Variants in CDYL2 observed in about 807,000 individuals in gnomAD.
CDYL2 encodes the protein chromodomain Y like 2, also known as chromodomain Y-like protein 2.
A neutral mutation model predicts 49.4 loss-of-function variants in CDYL2; 23 were observed. The ratio of observed to expected loss-of-function variants is 0.47; its 90% CI spans 0.34 to 0.66. The LOEUF (loss-of-function observed/expected upper bound fraction) is 0.66, where lower values mean the gene tolerates loss of function less well. Among genes scored for constraint, CDYL2 ranks in the 30% least tolerant of loss-of-function variants. The probability of loss-of-function intolerance (pLI) is 0.01; values close to 1 mark genes in which losing one functional copy is unlikely to be tolerated. For synonymous variants in CDYL2, 360 were observed against 268.8 expected (o/e 1.34, Z -3.32); for missense variants, 678 against 656.4 (o/e 1.03, Z -0.36).
intron 1 of CDYL2, among the ~76,000 whole-genome samples, chr16:80,769,021 C>T (rs527779001): frequency 4.6e-5 from 7 of 152,308 alleles, no homozygotes; most frequent in African/African-American, 1.4e-4. Flanking sequence ...CCTTTTACCT[C>T]TGAATAAAGT....
intron 1 of CDYL2, among the ~76,000 whole-genome samples, chr16:80,711,301 A>G (rs1475669655): frequency 6.6e-6 from 1 of 152,176 alleles, no homozygotes; most frequent in East Asian, 1.9e-4. Flanking sequence ...TGAACAATAT[A>G]AAGTACGTAT....
chr16:80,689,713 C>T (rs896630), intron 1 of CDYL2, among the ~76,000 whole-genome samples: 76,961 of 152,164 alleles, frequency 0.51, 20,981 homozygotes, highest in Middle Eastern at 0.69. Flanking sequence ...ATCACTGATA[C>T]GCGAGGCACC....
intron 2 of CDYL2, among the ~76,000 whole-genome samples, chr16:80,679,927 G>T (rs1241762830): frequency 6.6e-6 from 1 of 152,172 alleles, no homozygotes; most frequent in Non-Finnish European, 1.5e-5. Flanking sequence ...AACAGTCTGT[G>T]TTTCAACATG....
chr16:80,742,871 G>A lies in CDYL2; in HGVS notation c.25-57742C>T, dbSNP rs549280067. ...TGAGTGGATATATGAATGGGTGAGT[G>A]GGTAGATGGGTGAAGGATGGAAAAA... On this transcript the variant is annotated intron_variant, in intron 1 of 6. Transcript: ENST00000570137. Among the ~76,000 whole-genome samples, 5 of 151,238 alleles carry A rather than the reference G, an allele frequency of 3.3e-5. No individual in the cohort carries two copies. The South Asian group carries it at 1.1e-3, about 32-fold the overall frequency.
At chr16:80,637,566 A>C (rs1266703020) in intron 2 of CDYL2, among the ~76,000 whole-genome samples, 1 of 152,372 alleles carries the variant, frequency 6.6e-6, no homozygotes, top group East Asian at 1.9e-4. Context: ...ACTAATAAGC[A>C]AATACTGTAA....
chr16:80,630,380 A>G (rs920137614), intron 3 of CDYL2, among the ~76,000 whole-genome samples: 3 of 152,242 alleles, frequency 2.0e-5, no homozygotes, highest in Non-Finnish European at 4.4e-5. Context: ...CACAGAGGGA[A>G]TGAACTGGAG....
At position 80,620,745 on chromosome 16, in the gene CDYL2, A is replaced by G. The variant is rs780321625; in HGVS notation, c.1007+18T>C. 18 of 1,565,140 alleles carry G rather than the reference A, an allele frequency of 1.2e-5. No homozygotes were observed. In the Admixed American group the frequency reaches 3.3e-4, roughly 28 times the overall value. On this transcript the variant is annotated intron_variant, in intron 4 of 6. Transcript: ENST00000570137. Reference sequence around the variant, plus strand: ...CCTACGCAGGACCCCAGGGTGTGTGAAAAGGAGCACAGCTCACCTGATGGC... The same window carrying G: ...CCTACGCAGGACCCCAGGGTGTGTGGAAAGGAGCACAGCTCACCTGATGGC...
At chr16:80,774,774 T>C (rs1279386713) in intron 1 of CDYL2, among the ~76,000 whole-genome samples, 5 of 152,034 alleles carry the variant, frequency 3.3e-5, no homozygotes, top group Admixed American at 2.0e-4. Context: ...AAACACAGTA[T>C]ACTCAAGGTC....
chr16:80,649,400 A>G (rs972741691), intron 2 of CDYL2, among the ~76,000 whole-genome samples: 5 of 152,174 alleles, frequency 3.3e-5, no homozygotes, highest in Non-Finnish European at 7.4e-5. Context: ...CACAAATAAA[A>G]TTAAATACCT....
chr16:80,711,166 A>G (rs1254499427), intron 1 of CDYL2, among the ~76,000 whole-genome samples: 2 of 152,234 alleles, frequency 1.3e-5, no homozygotes, highest in Non-Finnish European at 2.9e-5. Context: ...TTGGGTGAAA[A>G]CCAGGTGGGA....
intron 1 of CDYL2, among the ~76,000 whole-genome samples, chr16:80,742,850 T>G (rs1905793884): frequency 6.7e-6 from 1 of 149,446 alleles, no homozygotes; most frequent in South Asian, 2.1e-4. Flanking sequence ...GATAAATGAG[T>G]GGATATATGA....
intron 2 of CDYL2, among the ~76,000 whole-genome samples, chr16:80,675,847 C>G (rs894776236): frequency 6.6e-5 from 10 of 152,130 alleles, no homozygotes; most frequent in African/African-American, 2.4e-4. Context: ...CCCCACTATA[C>G]CCTTTTTGGA....
At position 80,719,164 on chromosome 16, in the gene CDYL2, A is replaced by G. The variant is rs535110786; in HGVS notation, c.25-34035T>C. 6.6e-5 allele frequency among the ~76,000 whole-genome samples: 10 copies of G among 152,298 alleles called. No homozygotes were observed. The South Asian group carries it at 2.1e-3, about 32-fold the overall frequency. On this transcript the variant is annotated intron_variant, in intron 1 of 6. Transcript: ENST00000570137. ...AAGCCCTAGAGATAGAGTGCTGAGC[A>G]AGAAAGACACAGTCACTGACCCCCG...
chr16:80,750,599 T>C (rs1014711173), intron 1 of CDYL2, among the ~76,000 whole-genome samples: 2 of 152,104 alleles, frequency 1.3e-5, no homozygotes, highest in Admixed American at 6.5e-5. Context: ...CACCCAAAAA[T>C]ATATTATCAA....
At chr16:80,721,176 G>C (rs1220650773) in intron 1 of CDYL2, among the ~76,000 whole-genome samples, 1 of 152,142 alleles carries the variant, frequency 6.6e-6, no homozygotes, top group Non-Finnish European at 1.5e-5. Context: ...CAGAATAAGA[G>C]TGCTAAGAAA....
intron 2 of CDYL2, among the ~76,000 whole-genome samples, chr16:80,650,660 T>C (rs1908544242): frequency 6.6e-6 from 1 of 152,198 alleles, no homozygotes; most frequent in Admixed American, 6.5e-5. Context: ...TGAAGAGATA[T>C]CTGCACTCTC....
At chr16:80,689,411 G>T (rs932469540) in intron 1 of CDYL2, among the ~76,000 whole-genome samples, 3 of 152,202 alleles carry the variant, frequency 2.0e-5, no homozygotes, top group Admixed American at 6.5e-5. Context: ...TTCATCTTAT[G>T]CCCAGCTTTC....
intron 2 of CDYL2, among the ~76,000 whole-genome samples, chr16:80,661,675 C>A (rs1430946769): frequency 2.0e-5 from 3 of 152,172 alleles, no homozygotes; most frequent in South Asian, 2.1e-4. Flanking sequence ...GATGGATGTT[C>A]TGCTTTTGTT....
rs1905217675 is a variant in CDYL2, at chr16:80,727,928, G to C, written c.25-42799C>G. On this transcript the variant is annotated intron_variant, in intron 1 of 6. Transcript: ENST00000570137. ...GAAAACTAACAAACAGAAAGGACAT[G>C]CATACCAAAAACCCATCTGTACATC... is the stretch of plus-strand genomic sequence containing the variant. 2.6e-5 allele frequency among the ~76,000 whole-genome samples: 4 copies of C among 152,152 alleles called. No individual in the cohort carries two copies. In the South Asian group the frequency reaches 8.3e-4, roughly 32 times the overall value.
Sources: allele counts gnomAD v4.1 joint callset (sites outside exome capture counted in the v4.1 genomes callset), GRCh38; gene constraint gnomAD v4.1.1; transcripts MANE v1.5; gene names NCBI Gene and HGNC (gene_info 2026-07-23, HGNC 2026-07-21).